The following DPP10 variants were observed in gnomAD, a reference collection of about 807,000 sequenced individuals.
The protein encoded by DPP10 is inactive dipeptidyl peptidase 10.
In DPP10, 33 loss-of-function variants were observed where a neutral mutation model predicts 120.9. The observed-to-expected ratio is 0.27, with a 90% CI of 0.21 to 0.37. The LOEUF (loss-of-function observed/expected upper bound fraction) is 0.37, where lower values mean the gene tolerates loss of function less well. Ranked by LOEUF, DPP10 falls within the 10% of genes least tolerant of loss-of-function variation. The pLI is 1.00. For synonymous variants in DPP10, 337 were observed against 326.1 expected (o/e 1.03, Z -0.36); for missense variants, 816 against 942.8 (o/e 0.87, Z 1.76).
chr2:114,962,189 C>T (rs540363903), intron 1 of DPP10, among the ~76,000 whole-genome samples: 3 of 152,032 alleles, frequency 2.0e-5, no homozygotes, highest in African/African-American at 7.2e-5. Flanking sequence ...AAAATAGGGT[C>T]ACACAAAAAA....
intron 1 of DPP10, among the ~76,000 whole-genome samples, chr2:114,481,033 AAAAC>A (rs1250094789): frequency 2.6e-5 from 4 of 152,060 alleles, no homozygotes; most frequent in Admixed American, 2.6e-4. Context: ...AGGGGAAAAA[AAAAC>A]AGGAGAAAAT....
At chr2:115,560,194 C>A (rs1286146997) in intron 5 of DPP10, among the ~76,000 whole-genome samples, 1 of 149,154 alleles carries the variant, frequency 6.7e-6, no homozygotes, top group African/African-American at 2.5e-5. Context: ...CACGGTGAAA[C>A]CCCGTCTCTA....
At chr2:114,995,325 T>C (rs546341389) in intron 1 of DPP10, among the ~76,000 whole-genome samples, 2 of 152,326 alleles carry the variant, frequency 1.3e-5, no homozygotes, top group South Asian at 4.1e-4. Flanking sequence ...GAGACATCTA[T>C]GTCTTGATTA....
At chr2:115,461,912 A>G (rs1350894966) in intron 3 of DPP10, among the ~76,000 whole-genome samples, 2 of 152,150 alleles carry the variant, frequency 1.3e-5, no homozygotes, top group African/African-American at 4.8e-5. Context: ...TTTCACTCAC[A>G]TAAACTAAAG....
At chr2:115,061,682 C>T (rs1706414209) in intron 1 of DPP10, among the ~76,000 whole-genome samples, 1 of 152,196 alleles carries the variant, frequency 6.6e-6, no homozygotes, top group African/African-American at 2.4e-5. Flanking sequence ...GCCAGGCCCT[C>T]TAATAAGTGC....
intron 1 of DPP10, among the ~76,000 whole-genome samples, chr2:114,608,900 G>C (rs1381433572): frequency 2.0e-5 from 3 of 152,080 alleles, no homozygotes; most frequent in African/African-American, 7.2e-5. Context: ...AGGGGAGAGA[G>C]GAAGGACGGC....
At chr2:115,755,173 G>A (rs1233376270) in intron 11 of DPP10, among the ~76,000 whole-genome samples, 1 of 151,876 alleles carries the variant, frequency 6.6e-6, no homozygotes, top group African/African-American at 2.4e-5. Flanking sequence ...TTTTTAAACT[G>A]CATATAAATG....
At chr2:115,063,349 C>T (rs1706570215) in intron 1 of DPP10, among the ~76,000 whole-genome samples, 2 of 152,162 alleles carry the variant, frequency 1.3e-5, no homozygotes, top group Non-Finnish European at 2.9e-5. Flanking sequence ...TCTGTTCAGA[C>T]TGATGATAGT....
At chr2:114,653,059 T>TGTGTGTGTGTG (rs34619030) in intron 1 of DPP10, among the ~76,000 whole-genome samples, 4 of 151,004 alleles carry the variant, frequency 2.6e-5, no homozygotes, top group Admixed American at 6.6e-5. Flanking sequence ...TGTGTGTGTG[T>TGTGTGTGTGTG]TTTACTACCT....
intron 1 of DPP10, among the ~76,000 whole-genome samples, chr2:114,850,501 A>G (rs931497720): frequency 6.6e-6 from 1 of 152,166 alleles, no homozygotes. Flanking sequence ...TCATTTGTAA[A>G]ATCATTATTA....
At chr2:115,207,893 A>G (rs1469438880) in intron 1 of DPP10, among the ~76,000 whole-genome samples, 2 of 152,196 alleles carry the variant, frequency 1.3e-5, no homozygotes, top group Non-Finnish European at 2.9e-5. Flanking sequence ...GGTGCAGGGA[A>G]ACGAGTAAGC....
chr2:114,731,561 C>G (rs999190571), intron 1 of DPP10, among the ~76,000 whole-genome samples: 5 of 152,118 alleles, frequency 3.3e-5, no homozygotes, highest in Admixed American at 6.5e-5. Flanking sequence ...ATATCCCTCT[C>G]ACAGGAAACT....
chr2:115,171,275 T>C (rs1443225646), intron 1 of DPP10, among the ~76,000 whole-genome samples: 1 of 150,516 alleles, frequency 6.6e-6, no homozygotes, highest in African/African-American at 2.5e-5. Context: ...GCTGGAGAAT[T>C]GCTTGAACCC....
At chr2:114,665,900 A>C (rs984429985) in intron 1 of DPP10, among the ~76,000 whole-genome samples, 14 of 152,210 alleles carry the variant, frequency 9.2e-5, no homozygotes, top group African/African-American at 3.4e-4. Flanking sequence ...GCCTGGAAAA[A>C]GCAGACTTGC....
At chr2:114,845,717 A>T (rs574101087) in intron 1 of DPP10, among the ~76,000 whole-genome samples, 2 of 152,290 alleles carry the variant, frequency 1.3e-5, no homozygotes, top group East Asian at 1.9e-4. Context: ...ATATCCGTGG[A>T]TTTGCAAGAA....
At chr2:115,311,886 C>G (rs1559404470) in intron 2 of DPP10, among the ~76,000 whole-genome samples, 1 of 152,118 alleles carries the variant, frequency 6.6e-6, no homozygotes, top group Non-Finnish European at 1.5e-5. Flanking sequence ...CCACCTCAGC[C>G]TCCTGAGTAG....
chr2:115,402,854 A>AAAAATATAT lies in DPP10; in HGVS notation c.271+58943_271+58944insAAATATATA, dbSNP rs1476901026. On this transcript the variant is annotated intron_variant, in intron 3 of 25. Coordinates refer to ENST00000410059, the MANE Select transcript of DPP10 (RefSeq NM_020868.6). ...AGGACACTACAAGGAAAAAAAAAAA[A>AAAAATATAT]ATATATATATATATATATATATGTG... 3.9e-4 allele frequency among the ~76,000 whole-genome samples: 38 copies of AAAAATATAT among 97,630 alleles called. 1 individual carries two copies. The East Asian group carries it at 0.011, about 28-fold the overall frequency. 64.0% of individuals were successfully genotyped at this position (97,630 alleles called of 152,430 possible).
intron 5 of DPP10, among the ~76,000 whole-genome samples, chr2:115,527,864 A>G (rs1024338452): frequency 1.3e-5 from 2 of 152,148 alleles, no homozygotes; most frequent in Admixed American, 6.6e-5. Flanking sequence ...ACCACACCCA[A>G]TGATGGCAAG....
At chr2:115,025,304 T>G (rs191204189) in intron 1 of DPP10, among the ~76,000 whole-genome samples, 1 of 152,290 alleles carries the variant, frequency 6.6e-6, no homozygotes, top group Admixed American at 6.5e-5. Flanking sequence ...ACTCCCAGTT[T>G]CATCCATGTT....
Sources: gnomAD v4.1 joint callset for allele counts (sites outside exome capture counted in the v4.1 genomes callset) on GRCh38, gnomAD v4.1.1 for gene constraint, MANE v1.5 for transcripts, NCBI Gene and HGNC (gene_info 2026-07-23, HGNC 2026-07-21) for gene names.